C4BPA: variants seen among roughly 807,000 people sequenced by gnomAD.
C4BPA encodes C4b-binding protein alpha chain.
A neutral mutation model predicts 63.7 loss-of-function variants in C4BPA; 31 were observed. The ratio of observed to expected loss-of-function variants is 0.49; its 90% CI spans 0.37 to 0.66. C4BPA has a LOEUF of 0.66. Ranked by LOEUF, C4BPA falls within the 30% of genes least tolerant of loss-of-function variation. The pLI, the probability that C4BPA is intolerant of heterozygous loss-of-function variation, is 0.00. For synonymous variants in C4BPA, 259 were observed against 254.7 expected (o/e 1.02, Z -0.16); for missense variants, 572 against 723.3 (o/e 0.79, Z 2.40).
rs1003813666 is a variant in C4BPA, at chr1:207,114,170, C to T, written c.213C>T (p.Phe71=). Residue 71 remains phenylalanine (F), a synonymous_variant, in exon 3 of 12, where the codon TTC becomes TTT. Coordinates refer to ENST00000367070, the MANE Select transcript of C4BPA (RefSeq NM_000715.4). The stretch of plus-strand genomic sequence containing the variant: ...ATATTACGTTGACTGAGACACGCTT[C>T]AAAACTGGAACTACTCTGAAATACA... ...PMDITLTETR[F]KTGTTLKYTC... is the part of the protein sequence containing the mutation. 7 of 1,613,674 alleles carry T rather than the reference C, an allele frequency of 4.3e-6. No individual in the cohort carries two copies. The African/African-American group carries it at 9.3e-5, about 22-fold the overall frequency.
intron 10 of C4BPA, among the ~76,000 whole-genome samples, chr1:207,141,842 A>G (rs1265149945): frequency 6.6e-6 from 1 of 152,142 alleles, no homozygotes; most frequent in Non-Finnish European, 1.5e-5. Flanking sequence ...GTCAACATGC[A>G]TGACTTTGCT....
chr1:207,105,383 C>G (rs867639370), intron 1 of C4BPA, among the ~76,000 whole-genome samples: 5 of 151,844 alleles, frequency 3.3e-5, no homozygotes, highest in Admixed American at 6.6e-5. Flanking sequence ...CATGGAGAAC[C>G]CCTGTCTCTA....
At chr1:207,115,388 C>G (rs759230650) in intron 3 of C4BPA, 28 bp from the exon 4 acceptor site, 1 of 1,247,500 alleles carries the variant, frequency 8.0e-7, no homozygotes, top group African/African-American at 1.5e-5. Flanking sequence ...CTTGGAAGTA[C>G]TAATCATCAT....
chr1:207,136,507 G>A (rs1685282533), intron 9 of C4BPA, among the ~76,000 whole-genome samples: 1 of 152,114 alleles, frequency 6.6e-6, no homozygotes, highest in African/African-American at 2.4e-5. Context: ...GACCAGACAA[G>A]CCATTCATTC....
At chr1:207,118,173 ATCTATATCTATC>A (rs1684845121) in intron 4 of C4BPA, among the ~76,000 whole-genome samples, 1 of 148,378 alleles carries the variant, frequency 6.7e-6, no homozygotes, top group African/African-American at 2.5e-5. Context: ...CTGTCTATCT[ATCTATATCTATC>A]TATCTATCAT....
chr1:207,117,849 C>A (rs927575968), intron 4 of C4BPA, among the ~76,000 whole-genome samples: 1 of 152,160 alleles, frequency 6.6e-6, no homozygotes, highest in Non-Finnish European at 1.5e-5. Context: ...GCCCTTCCTG[C>A]ATCTTGCTGT....
At chr1:207,121,660 T>C (rs1684924368) in intron 4 of C4BPA, among the ~76,000 whole-genome samples, 1 of 152,098 alleles carries the variant, frequency 6.6e-6, no homozygotes, top group South Asian at 2.1e-4. Context: ...TATGTATGTG[T>C]ATATTTATTT....
At chr1:207,134,614 T>A in intron 9 of C4BPA, 22 bp downstream of exon 9, 1 of 1,554,292 alleles carries the variant, frequency 6.4e-7, no homozygotes, top group East Asian at 2.3e-5. Flanking sequence ...TAGAATTATC[T>A]TATTCTGGGA....
intron 4 of C4BPA, among the ~76,000 whole-genome samples, chr1:207,118,153 G>C (rs1684843298): frequency 2.1e-5 from 2 of 94,708 alleles, no homozygotes; most frequent in Non-Finnish European, 5.3e-5. Flanking sequence ...CTGTCTGTCT[G>C]TCTGTCTGTC....
intron 8 of C4BPA, among the ~76,000 whole-genome samples, chr1:207,133,057 A>G (rs1034864369): frequency 2.6e-5 from 4 of 152,218 alleles, no homozygotes; most frequent in African/African-American, 9.6e-5. Context: ...GATCTTATTG[A>G]TTTAATTATT....
intron 9 of C4BPA, among the ~76,000 whole-genome samples, chr1:207,137,045 T>C (rs1183294096): frequency 6.6e-6 from 1 of 152,270 alleles, no homozygotes; most frequent in Non-Finnish European, 1.5e-5. Context: ...AATTTATTGT[T>C]CTTTGTTTAC....
At chr1:207,108,394 C>A (rs1020846244) in intron 1 of C4BPA, among the ~76,000 whole-genome samples, 3 of 152,162 alleles carry the variant, frequency 2.0e-5, no homozygotes, top group Admixed American at 1.3e-4. Context: ...TCTCTAAAAT[C>A]CAGGAACGAC....
At chr1:207,123,793 G>T (rs1684968633) in intron 4 of C4BPA, 129 bp from the exon 5 acceptor site, 1 of 622,652 alleles carries the variant, frequency 1.6e-6, no homozygotes, top group Admixed American at 2.8e-5. Context: ...GTGCTTAATG[G>T]GAAATGATAT....
At chr1:207,118,178 T>TC (rs757324599) in intron 4 of C4BPA, among the ~76,000 whole-genome samples, 5,657 of 118,606 alleles carry the variant, frequency 0.048, 193 homozygotes, top group Middle Eastern at 0.08. Flanking sequence ...TATCTATCTA[T>TC]ATCTATCTAT....
intron 4 of C4BPA, among the ~76,000 whole-genome samples, chr1:207,120,158 C>T (rs1684891472): frequency 6.6e-6 from 1 of 152,142 alleles, no homozygotes; most frequent in Non-Finnish European, 1.5e-5. Context: ...TCAAAGTGGA[C>T]TCCTTCTTTG....
At chr1:207,120,175 C>T (rs1028682697) in intron 4 of C4BPA, among the ~76,000 whole-genome samples, 7 of 152,106 alleles carry the variant, frequency 4.6e-5, no homozygotes, top group Non-Finnish European at 8.8e-5. Flanking sequence ...TTTGCCTTAC[C>T]TTCACTTGCA....
At position 207,124,879 on chromosome 1, in the gene C4BPA, G is replaced by C. The variant is rs138694195; in HGVS notation, c.706+513G>C. On this transcript the variant is annotated intron_variant, in intron 6 of 11. Coordinates refer to ENST00000367070, the MANE Select transcript of C4BPA (RefSeq NM_000715.4). ...CATTACAGCCTTTTGTCTCAAACTA[G>C]AGAGTAGCCTCAGAGGACTGGGGAA... Among the ~76,000 whole-genome samples the C allele has an allele frequency of 3.6e-3, 548 of 152,340 alleles. 8 individuals carry two copies. The highest frequency in any genetic ancestry group is 0.012 in the African/African-American group (507 of 41,574).
intron 10 of C4BPA, 94 bp downstream of exon 10, chr1:207,141,370 G>C: frequency 1.1e-6 from 1 of 929,536 alleles, no homozygotes; most frequent in Admixed American, 2.3e-5. Context: ...GAGGCAGCAT[G>C]AAAACATTTG....
In C4BPA at chr1:207,144,724, T is replaced by A. The variant is rs1456540678; in HGVS notation, c.*7T>A. 1 of 1,589,780 alleles carries A rather than the reference T, an allele frequency of 6.3e-7. No homozygotes were observed. Among genetic ancestry groups the A allele is most frequent in the Admixed American group, 1.7e-5 (1 of 57,318 alleles). On this transcript the variant is annotated 3_prime_UTR_variant, in exon 12 of 12. Transcript: ENST00000367070. ...TTTGGATAAAGAACTATAATTTTTC[T>A]CAAAAGAAGGAGGAAAAGGTGTCTT...
Sources: gnomAD v4.1 joint callset for allele counts (sites outside exome capture counted in the v4.1 genomes callset) on GRCh38, gnomAD v4.1.1 for gene constraint, MANE v1.5 for transcripts, NCBI Gene and HGNC (gene_info 2026-07-23, HGNC 2026-07-21) for gene names.